OTUB2: variants seen among roughly 807,000 people sequenced by gnomAD.
The protein encoded by OTUB2 is ubiquitin thioesterase OTUB2.
In OTUB2, 21 loss-of-function variants were observed where a neutral mutation model predicts 25.1. The ratio of observed to expected loss-of-function variants is 0.84; its 90% CI spans 0.59 to 1.21. The LOEUF is 1.21. OTUB2 is among the 50% of genes most tolerant of loss of function. OTUB2 has a pLI of 0.00. For missense variants in OTUB2, 283 were observed against 298.0 expected, an observed-to-expected ratio of 0.95 and a Z score of 0.37; for synonymous variants, 122 against 122.8, an observed-to-expected ratio of 0.99 and a Z score of 0.04.
chr14:94,045,292 AC>A (rs925270328), intron 5 of OTUB2, among the ~76,000 whole-genome samples: 1 of 151,938 alleles, frequency 6.6e-6, no homozygotes, highest in Non-Finnish European at 1.5e-5. Flanking sequence ...TCTCTGCAGC[AC>A]CCGGACTCGC....
intron 1 of OTUB2, among the ~76,000 whole-genome samples, chr14:94,032,611 C>T (rs1288856625): frequency 6.6e-6 from 1 of 151,708 alleles, no homozygotes; most frequent in East Asian, 1.9e-4. Context: ...TGGGTGGGGG[C>T]GAGGGTTGCA....
At chr14:94,037,265 G>A in intron 1 of OTUB2, 115 bp from the exon 2 acceptor site, 1 of 626,604 alleles carries the variant, frequency 1.6e-6, no homozygotes, top group Non-Finnish European at 2.8e-6. Flanking sequence ...ATGAGAAGGT[G>A]GGAAGGTCTC....
intron 3 of OTUB2, among the ~76,000 whole-genome samples, chr14:94,042,673 G>C (rs1388907778): frequency 6.6e-6 from 1 of 152,184 alleles, no homozygotes; most frequent in African/African-American, 2.4e-5. Context: ...ACTGAACAGG[G>C]GGTGCTGATG....
chr14:94,035,834 G>A (rs1885046209), intron 1 of OTUB2, among the ~76,000 whole-genome samples: 1 of 152,140 alleles, frequency 6.6e-6, no homozygotes, highest in Admixed American at 6.5e-5. Flanking sequence ...CCTTCTCCGT[G>A]CCAGGCCCTG....
rs1195297488 is a variant in OTUB2 at position 94,047,043 on chromosome 14, A to T, written c.*1121A>T. On this transcript the variant is annotated 3_prime_UTR_variant, in exon 6 of 6. Coordinates refer to ENST00000203664, the MANE Select transcript of OTUB2 (RefSeq NM_023112.4). Reference sequence around the variant, plus strand: ...AAGCCCCTCACCTTGCTGCCTCAGGACCTTCAAGATTCCATCTGTGGGCTG... The same window carrying T: ...AAGCCCCTCACCTTGCTGCCTCAGGTCCTTCAAGATTCCATCTGTGGGCTG... The T allele has an allele frequency of 6.6e-6, 1 of 152,142 alleles. No individual in the cohort carries two copies. The highest frequency in any genetic ancestry group is 1.5e-5 in the Non-Finnish European group (1 of 68,050). 9.4% of individuals were successfully genotyped at this position (152,142 alleles called of 1,614,324 possible). A position where few individuals can be genotyped will look rare whatever the true frequency, so the allele number is the denominator to read the frequency against.
At chr14:94,045,280 C>T (rs1282972003) in intron 5 of OTUB2, among the ~76,000 whole-genome samples, 3 of 152,264 alleles carry the variant, frequency 2.0e-5, no homozygotes, top group East Asian at 1.9e-4. Context: ...CTTCTTCCAT[C>T]GTCTCTGCAG....
At position 94,026,383 on chromosome 14, in the gene OTUB2, G is replaced by A; in HGVS notation, c.-155G>A. 3 of 1,254,904 alleles carry A rather than the reference G, an allele frequency of 2.4e-6. No individual in the cohort carries two copies. The highest frequency in any genetic ancestry group is 4.2e-5 in the Admixed American group (1 of 23,624). The allele number at this position is 1,254,904 out of a possible 1,614,324, so 77.7% of individuals were successfully genotyped here. A position where few individuals can be genotyped will look rare whatever the true frequency, so the allele number is the denominator to read the frequency against. On this transcript the variant is annotated 5_prime_UTR_variant, in exon 1 of 6. Coordinates refer to ENST00000203664, the MANE Select transcript of OTUB2 (RefSeq NM_023112.4). ...GGACACAGTGGAGGTCTAACCTTTGGTTTGCGGAGCGGTCGGGTGTATTCT... is the reference window on the plus strand; with the variant it reads ...GGACACAGTGGAGGTCTAACCTTTGATTTGCGGAGCGGTCGGGTGTATTCT...
rs749765165 is a variant in OTUB2, at chr14:94,045,717, A to C, written c.500A>C (p.Glu167Ala). ...TTGTTTTCATTTTGGCCCCTGCAGG[A>C]AGTAGAGCCCATGGCCACGGAGTGT... is the stretch of plus-strand genomic sequence containing the variant. ...EMDIKDFCTH[E>A]VEPMATECDH... is the part of the protein sequence containing the mutation. The change falls in exon 6 of 6, where the codon GAA (glutamate) becomes GCA (alanine). Residue 167 changes from glutamate to alanine, a missense_variant and splice_region_variant. By Grantham distance (107) the Glu-to-Ala change is moderately radical. Coordinates refer to ENST00000203664, the MANE Select transcript of OTUB2 (RefSeq NM_023112.4). The C allele has an allele frequency of 2.5e-6, 4 of 1,613,982 alleles. No homozygotes were observed. In the East Asian group the frequency reaches 8.9e-5, roughly 36 times the overall value.
At chr14:94,030,702 GT>G (rs1329925276) in intron 1 of OTUB2, among the ~76,000 whole-genome samples, 2 of 152,224 alleles carry the variant, frequency 1.3e-5, no homozygotes, top group South Asian at 2.1e-4. Context: ...CTGTGACTAT[GT>G]TACCGTGGCG....
chr14:94,043,056 C>A (rs911800518), intron 3 of OTUB2, among the ~76,000 whole-genome samples: 1 of 152,188 alleles, frequency 6.6e-6, no homozygotes, highest in Non-Finnish European at 1.5e-5. Context: ...TAGGCAAATA[C>A]TCCTCCTTCT....
intron 1 of OTUB2, 90 bp from the exon 2 acceptor site, chr14:94,037,290 G>T: frequency 1.2e-6 from 1 of 822,212 alleles, no homozygotes; most frequent in Admixed American, 2.1e-5. Context: ...ATTGTTGTCT[G>T]TAACCGGCAG....
In OTUB2 at chr14:94,046,371, C is replaced by T; in HGVS notation, c.*449C>T. 5.0e-6 allele frequency: 1 copy of T among 200,258 alleles called. No homozygotes were observed. The highest frequency in any genetic ancestry group is 1.0e-4 in the South Asian group (1 of 9,606). 12.4% of individuals were successfully genotyped at this position (200,258 alleles called of 1,614,324 possible). On this transcript the variant is annotated 3_prime_UTR_variant, in exon 6 of 6. Coordinates refer to ENST00000203664, the MANE Select transcript of OTUB2 (RefSeq NM_023112.4). ...GACTTACCAGGCCTACAAAAGAGTC[C>T]AGTCCAGTCACTTGTTGGACTGGGC...
intron 3 of OTUB2, among the ~76,000 whole-genome samples, chr14:94,043,704 A>G (rs532696209): frequency 1.0e-3 from 153 of 152,352 alleles, no homozygotes; most frequent in African/African-American, 3.6e-3. Context: ...GAGTTGGAAA[A>G]GATGCAAAAT....
chr14:94,044,071 C>A lies in OTUB2; in HGVS notation c.303+16C>A. The A allele has an allele frequency of 6.2e-7, 1 of 1,610,034 alleles. No homozygotes were observed. The highest frequency in any genetic ancestry group is 1.1e-5 in the South Asian group (1 of 90,982). ...CTTCAATGCTGTGAGTTCACCTGGT[C>A]CCTCCTTCCACACTGGCAGAGCAGA... On this transcript the variant is annotated intron_variant, in intron 4 of 5. Transcript: ENST00000203664.
At chr14:94,035,634 A>G (rs1000449110) in intron 1 of OTUB2, among the ~76,000 whole-genome samples, 3 of 152,016 alleles carry the variant, frequency 2.0e-5, no homozygotes, top group Admixed American at 6.5e-5. Context: ...TTCTTAAGCT[A>G]TCTTCTGGGA....
chr14:94,026,585 GCGGTGGGC>G, intron 1 of OTUB2, 45 bp downstream of exon 1: 1 of 1,225,904 alleles, frequency 8.2e-7, no homozygotes, highest in Non-Finnish European at 1.0e-6. Context: ...GGCAGGGGGC[GCGGTGGGC>G]GGGGTCGCTG....
At chr14:94,038,386 C>T (rs770627119) in intron 2 of OTUB2, among the ~76,000 whole-genome samples, 1 of 152,202 alleles carries the variant, frequency 6.6e-6, no homozygotes, top group Non-Finnish European at 1.5e-5. Context: ...CCCAAGTCGG[C>T]TCTGAGCCTT....
chr14:94,026,673 T>C (rs1884868825), intron 1 of OTUB2, 133 bp downstream of exon 1: 2 of 969,952 alleles, frequency 2.1e-6, no homozygotes, highest in South Asian at 9.8e-5. Flanking sequence ...CCCGCCGCTT[T>C]CCGACCCCCT....
chr14:94,044,058 G>A lies in OTUB2; in HGVS notation c.303+3G>A. 1.2e-6 allele frequency: 2 copies of A among 1,613,604 alleles called. No homozygotes were observed. The highest frequency in any genetic ancestry group is 1.7e-6 in the Non-Finnish European group (2 of 1,179,504). On this transcript the variant is annotated splice_donor_region_variant and intron_variant, in intron 4 of 5. Transcript: ENST00000203664. The stretch of plus-strand genomic sequence containing the variant: ...AGTTCAGAAACTTCTTCAATGCTGT[G>A]AGTTCACCTGGTCCCTCCTTCCACA...
Sources: gnomAD v4.1 joint callset for allele counts (sites outside exome capture counted in the v4.1 genomes callset) on GRCh38, gnomAD v4.1.1 for gene constraint, MANE v1.5 for transcripts, NCBI Gene and HGNC (gene_info 2026-07-23, HGNC 2026-07-21) for gene names.